MTA3: variants seen among roughly 807,000 people sequenced by gnomAD.
MTA3 encodes metastasis-associated protein MTA3.
MTA3 carries 34 observed loss-of-function variants against 83.5 expected under a neutral mutation model. The observed-to-expected ratio is 0.41, with a 90% CI of 0.31 to 0.54. The LOEUF (loss-of-function observed/expected upper bound fraction) is 0.54. Ranked by LOEUF, MTA3 falls within the 20% of genes least tolerant of loss-of-function variation. The pLI is 0.33. For missense variants in MTA3, 761 were observed against 726.4 expected, an observed-to-expected ratio of 1.05 and a Z score of -0.55; for synonymous variants, 303 against 252.7, an observed-to-expected ratio of 1.20 and a Z score of -1.89.
chr2:42,537,672 A>G (rs1676308933), intron 2 of MTA3, among the ~76,000 whole-genome samples: 1 of 152,204 alleles, frequency 6.6e-6, no homozygotes, highest in African/African-American at 2.4e-5. Flanking sequence ...AGCTATGACA[A>G]CGAAATGCAT....
chr2:42,690,159 A>C (rs1038558052), intron 9 of MTA3, among the ~76,000 whole-genome samples: 3 of 152,132 alleles, frequency 2.0e-5, no homozygotes, highest in Non-Finnish European at 4.4e-5. Context: ...ATAGCATTAC[A>C]CTATCTCAGT....
At chr2:42,576,766 G>A (rs937089336) in intron 2 of MTA3, among the ~76,000 whole-genome samples, 1 of 151,484 alleles carries the variant, frequency 6.6e-6, no homozygotes, top group Middle Eastern at 3.4e-3. Context: ...GCATGGTGGC[G>A]CATGCCTGTA....
At chr2:42,547,772 C>A (rs111562664) in intron 2 of MTA3, among the ~76,000 whole-genome samples, 2,809 of 152,300 alleles carry the variant, frequency 0.018, 69 homozygotes, top group African/African-American at 0.064. Context: ...TCCACGAGGA[C>A]TCAAATAAAG....
chr2:42,609,676 T>A, intron 4 of MTA3, 92 bp downstream of exon 4: 4 of 1,408,982 alleles, frequency 2.8e-6, no homozygotes, highest in Non-Finnish European at 3.8e-6. Flanking sequence ...CTTCTCAGGA[T>A]CTTGCTTAAA....
At chr2:42,503,260 A>T (rs1003959230) in intron 2 of MTA3, among the ~76,000 whole-genome samples, 1 of 152,208 alleles carries the variant, frequency 6.6e-6, no homozygotes, top group Non-Finnish European at 1.5e-5. Context: ...ACTTTCTGAC[A>T]TTGCCATGGC....
Position 42,754,060 on chromosome 2 carries a change from C to T in MTA3, c.*661C>T. ...TACCGAGGTTCTGACAAAAGATAAG[C>T]CTGTAAACTCATCATCTGTGTTTTG... On this transcript the variant is annotated 3_prime_UTR_variant, in exon 17 of 17. Coordinates refer to ENST00000405094, the MANE Select transcript of MTA3 (RefSeq NM_001330442.2). The T allele has an allele frequency of 1.0e-6, 1 of 985,550 alleles. No homozygotes were observed. The highest frequency in any genetic ancestry group is 1.1e-4 in the East Asian group (1 of 8,816). 61.1% of individuals were successfully genotyped at this position (985,550 alleles called of 1,614,324 possible).
intron 16 of MTA3, among the ~76,000 whole-genome samples, chr2:42,742,214 C>A (rs1669089331): frequency 6.6e-6 from 1 of 151,720 alleles, no homozygotes; most frequent in African/African-American, 2.4e-5. Context: ...TCTCAGCTCA[C>A]TGCAACCTCT....
At chr2:42,707,784 G>T in intron 12 of MTA3, 119 bp from the exon 13 acceptor site, 1 of 1,131,594 alleles carries the variant, frequency 8.8e-7, no homozygotes. Context: ...CTTGTAAGCT[G>T]GGAACAATAA....
Position 42,579,103 on chromosome 2 carries a change from T to G in MTA3, c.97-4T>G. ...AAATGACTTTTATTTTTCTTATCTC[T>G]TAGACTGCAAGTGGCAACGTGGAAG... On this transcript the variant is annotated splice_polypyrimidine_tract_variant and splice_region_variant and intron_variant, in intron 2 of 16. Coordinates refer to ENST00000405094, the MANE Select transcript of MTA3 (RefSeq NM_001330442.2). 6.3e-7 allele frequency: 1 copy of G among 1,593,438 alleles called. No individual in the cohort carries two copies. Among genetic ancestry groups the G allele is most frequent in the African/African-American group, 1.3e-5 (1 of 74,462 alleles).
chr2:42,690,221 C>T (rs974048492), intron 9 of MTA3, among the ~76,000 whole-genome samples: 4 of 152,186 alleles, frequency 2.6e-5, no homozygotes. Flanking sequence ...TGAAATCTTT[C>T]TTCCAATATA....
chr2:42,683,695 CCT>C (rs139563591), intron 9 of MTA3, among the ~76,000 whole-genome samples: 72 of 152,186 alleles, frequency 4.7e-4, no homozygotes, highest in Non-Finnish European at 5.3e-4. Context: ...TACCTAGATC[CCT>C]CGCATGCACA....
intron 3 of MTA3, among the ~76,000 whole-genome samples, chr2:42,592,966 T>C (rs2141550): frequency 0.75 from 113,493 of 150,556 alleles, 42,968 homozygotes; most frequent in South Asian, 0.88. Context: ...GCCTGACCAA[T>C]ATGGTGAAAC....
At chr2:42,581,154 A>G (rs543090618) in intron 3 of MTA3, among the ~76,000 whole-genome samples, 10 of 152,184 alleles carry the variant, frequency 6.6e-5, no homozygotes, top group Admixed American at 2.6e-4. Context: ...GCTGACATGT[A>G]AAACAAAAAA....
At chr2:42,695,388 A>C (rs1693288865) in intron 9 of MTA3, among the ~76,000 whole-genome samples, 1 of 151,992 alleles carries the variant, frequency 6.6e-6, no homozygotes, top group Non-Finnish European at 1.5e-5. Flanking sequence ...TAATCTCAGC[A>C]CTTTGGGAGG....
intron 8 of MTA3, among the ~76,000 whole-genome samples, chr2:42,673,235 G>A (rs995894294): frequency 6.6e-6 from 1 of 152,042 alleles, no homozygotes; most frequent in African/African-American, 2.4e-5. Flanking sequence ...TGGAAAAAAA[G>A]AATGTGGTTA....
intron 2 of MTA3, among the ~76,000 whole-genome samples, chr2:42,503,100 G>A (rs1674473993): frequency 6.6e-6 from 1 of 152,206 alleles, no homozygotes; most frequent in Non-Finnish European, 1.5e-5. Flanking sequence ...AAGTTTGTTA[G>A]AGAAGTAATG....
At chr2:42,713,661 CTTA>C (rs1666805376) in intron 14 of MTA3, among the ~76,000 whole-genome samples, 2 of 152,008 alleles carry the variant, frequency 1.3e-5, no homozygotes, top group Admixed American at 1.3e-4. Context: ...TCTAAGTAGG[CTTA>C]TTGTTTGTTT....
At chr2:42,644,039 A>C (rs944874189) in intron 5 of MTA3, 88 bp from the exon 6 acceptor site, 36 of 743,586 alleles carry the variant, frequency 4.8e-5, no homozygotes, top group East Asian at 3.7e-4. Context: ...TCTGGGGTTT[A>C]TATGTTCATT....
intron 2 of MTA3, among the ~76,000 whole-genome samples, chr2:42,502,252 AAGAACGTT>A (rs1248211507): frequency 6.6e-6 from 1 of 152,120 alleles, no homozygotes; most frequent in Non-Finnish European, 1.5e-5. Context: ...ATCAGCAAAA[AAGAACGTT>A]GGCTCTGGCC....
Sources: allele counts gnomAD v4.1 joint callset (sites outside exome capture counted in the v4.1 genomes callset), GRCh38; gene constraint gnomAD v4.1.1; transcripts MANE v1.5; gene names NCBI Gene and HGNC (gene_info 2026-07-23, HGNC 2026-07-21).